NRG4: variants seen among roughly 807,000 people sequenced by gnomAD.
The protein encoded by NRG4 is neuregulin 4, also known as pro-neuregulin-4, membrane-bound isoform.
Under a neutral mutation model 15.0 loss-of-function variants are expected in NRG4, and 10 were observed. That is an observed-to-expected ratio of 0.67 (90% confidence interval 0.41 to 1.13). The LOEUF (loss-of-function observed/expected upper bound fraction) is 1.13. Ranked by LOEUF, NRG4 falls within the 50% of genes most tolerant of loss-of-function variation. The pLI is 0.00. For synonymous variants in NRG4, 41 were observed against 50.1 expected (o/e 0.82, Z 0.77); for missense variants, 139 against 140.2 (o/e 0.99, Z 0.04).
chr15:75,985,590 T>C (rs1200745430), intron 3 of NRG4, among the ~76,000 whole-genome samples: 1 of 152,182 alleles, frequency 6.6e-6, no homozygotes, highest in Non-Finnish European at 1.5e-5. Context: ...GACATCCTTA[T>C]CATTTAGGAA....
At position 75,961,972 on chromosome 15, in the gene NRG4, C is replaced by T. The variant is rs1264566553; in HGVS notation, c.107G>A (p.Cys36Tyr). 1 of 1,598,604 alleles carries T rather than the reference C, an allele frequency of 6.3e-7. No individual in the cohort carries two copies. The highest frequency in any genetic ancestry group is 8.5e-7 in the Non-Finnish European group (1 of 1,174,030). ...IPTIPSPFCR[C>Y]VENYTGARCE... is the part of the protein sequence containing the mutation. The stretch of plus-strand genomic sequence containing the variant: ...ACGAGCTCCTGTATAGTTTTCAACG[C>T]ACCTACAGAATAAAATTTTAGATAA... The change falls in exon 4 of 6, where the codon TGC (cysteine) becomes TAC (tyrosine). Residue 36 changes from cysteine (C) to tyrosine (Y), a missense_variant and splice_region_variant. Transcript: ENST00000394907.
At position 75,977,132 on chromosome 15, in the gene NRG4, G is replaced by A. The variant is rs548825447; in HGVS notation, c.105-15158C>T. Among the ~76,000 whole-genome samples, 10 of 152,258 alleles carry A rather than the reference G, an allele frequency of 6.6e-5. No individual in the cohort carries two copies. Among genetic ancestry groups the A allele is most frequent in the Admixed American group, 6.5e-4 (10 of 15,302 alleles). Reference sequence around the variant, plus strand: ...CCCAGCAGTTTTGTTTACACTATGAGGGGAAAACTGCCCACTCAAGCCTCC... The same window carrying A: ...CCCAGCAGTTTTGTTTACACTATGAAGGGAAAACTGCCCACTCAAGCCTCC... On this transcript the variant is annotated intron_variant, in intron 3 of 5. Transcript: ENST00000394907. The surrounding 1 kb of genome is among the most constrained non-coding windows in gnomAD (Gnocchi z 4.9).
intron 5 of NRG4, among the ~76,000 whole-genome samples, chr15:76,032,311 CAAAA>C (rs2035493269): frequency 1.3e-5 from 2 of 151,968 alleles, no homozygotes; most frequent in African/African-American, 4.8e-5. Context: ...AAAAGAATGG[CAAAA>C]TATTGTGTAC....
At chr15:76,036,763 G>A (rs1298299494) in intron 4 of NRG4, among the ~76,000 whole-genome samples, 1 of 152,154 alleles carries the variant, frequency 6.6e-6, no homozygotes, top group African/African-American at 2.4e-5. Context: ...CTTAAATAGT[G>A]TATGACCACC....
rs2031090976 is a variant in NRG4, at chr15:75,942,430, G to C, written c.*1208C>G. Reference sequence around the variant, plus strand: ...GATGTTAATAATAAAGGCCTGGGGTGGGGGGAAGCATAGGGGAACTCTATA... The same window carrying C: ...GATGTTAATAATAAAGGCCTGGGGTCGGGGGAAGCATAGGGGAACTCTATA... On this transcript the variant is annotated 3_prime_UTR_variant, in exon 6 of 6. Coordinates refer to ENST00000394907, the MANE Select transcript of NRG4 (RefSeq NM_138573.4). 6.6e-6 allele frequency: 1 copy of C among 152,112 alleles called. No individual in the cohort carries two copies. The highest frequency in any genetic ancestry group is 1.9e-4 in the East Asian group (1 of 5,200). 9.4% of individuals were successfully genotyped at this position (152,112 alleles called of 1,614,324 possible).
chr15:76,035,343 C>T (rs543529069), intron 5 of NRG4, among the ~76,000 whole-genome samples: 41 of 152,330 alleles, frequency 2.7e-4, no homozygotes, highest in African/African-American at 8.9e-4. Flanking sequence ...CTGAACTCAG[C>T]AGACTTCCCT....
intron 3 of NRG4, among the ~76,000 whole-genome samples, chr15:75,971,722 C>T (rs1368211113): frequency 1.3e-5 from 2 of 151,990 alleles, no homozygotes; most frequent in Non-Finnish European, 2.9e-5. Context: ...ACTTCTAGTG[C>T]TTTAAAGGTG....
chr15:76,009,250 C>T lies in NRG4; in HGVS notation c.54G>A (p.Leu18=), dbSNP rs776675887. ...GTATCACATAACAAAGCCCCCCATTCAGGCAAAACGACTTGTGACTGGGAC... is the reference window on the plus strand; with the variant it reads ...GTATCACATAACAAAGCCCCCCATTTAGGCAAAACGACTTGTGACTGGGAC... The part of the protein sequence containing the change: ...PCGPSHKSFC[L]NGGLCYVIPT... The change falls in exon 3 of 6, where the codon CTG becomes CTA. Residue 18 remains leucine, a synonymous_variant. Transcript: ENST00000394907. 4 of 1,605,474 alleles carry T rather than the reference C, an allele frequency of 2.5e-6. No homozygotes were observed. In the South Asian group the frequency reaches 4.4e-5, roughly 18 times the overall value.
intron 3 of NRG4, among the ~76,000 whole-genome samples, chr15:75,996,118 T>C (rs1247977062): frequency 6.6e-6 from 1 of 152,212 alleles, no homozygotes; most frequent in Non-Finnish European, 1.5e-5. Context: ...GTGTCAGTTA[T>C]ATATCATCAT....
intron 5 of NRG4, among the ~76,000 whole-genome samples, chr15:76,033,807 C>T (rs1169355431): frequency 6.6e-6 from 1 of 152,192 alleles, no homozygotes; most frequent in East Asian, 1.9e-4. Flanking sequence ...CTGTCTGACC[C>T]TTTTATCAGA....
At chr15:76,007,397 A>C (rs893250608) in intron 3 of NRG4, among the ~76,000 whole-genome samples, 3 of 152,052 alleles carry the variant, frequency 2.0e-5, no homozygotes, top group African/African-American at 7.2e-5. Context: ...CAAGACACAA[A>C]ATGTTAGTAT....
chr15:76,054,601 G>C lies in NRG4; in HGVS notation c.-261-1618C>G, dbSNP rs972922245. Among the ~76,000 whole-genome samples, 9 of 152,264 alleles carry C rather than the reference G, an allele frequency of 5.9e-5. No individual in the cohort carries two copies. The South Asian group carries it at 1.9e-3, about 32-fold the overall frequency. On this transcript the variant is annotated intron_variant, in intron 2 of 8. Coordinates refer to the NRG4 transcript ENST00000563910. ...AGATAATTTTTGTATTTTCAGTAGA[G>C]ACAGAGTTTCGCCATGTTGGCCAGG...
intron 3 of NRG4, among the ~76,000 whole-genome samples, chr15:76,007,678 C>G (rs1041835420): frequency 1.3e-5 from 2 of 152,174 alleles, no homozygotes; most frequent in Non-Finnish European, 2.9e-5. Flanking sequence ...ATCCGCCCAC[C>G]TTGGCCTCCC....
chr15:76,020,958 C>T (rs2035131817), intron 5 of NRG4, among the ~76,000 whole-genome samples: 1 of 152,228 alleles, frequency 6.6e-6, no homozygotes, highest in Non-Finnish European at 1.5e-5. Flanking sequence ...GATGGTTACA[C>T]TAAACAGATT....
intron 4 of NRG4, among the ~76,000 whole-genome samples, chr15:76,036,855 T>C (rs1430272051): frequency 6.6e-6 from 1 of 152,166 alleles, no homozygotes; most frequent in Non-Finnish European, 1.5e-5. Context: ...CTCACTACTG[T>C]TATTCGACAT....
At chr15:76,023,472 C>T (rs2035221559) in intron 5 of NRG4, among the ~76,000 whole-genome samples, 1 of 152,172 alleles carries the variant, frequency 6.6e-6, no homozygotes, top group Non-Finnish European at 1.5e-5. Context: ...GTCCTTACTA[C>T]AGGTGAATCC....
chr15:76,005,348 C>T (rs2034559021), intron 3 of NRG4, among the ~76,000 whole-genome samples: 1 of 145,870 alleles, frequency 6.9e-6, no homozygotes, highest in African/African-American at 2.5e-5. Flanking sequence ...AGCCACTGCA[C>T]TTCAGCCTGG....
intron 5 of NRG4, among the ~76,000 whole-genome samples, chr15:75,947,888 G>GT (rs2031631585): frequency 1.3e-5 from 2 of 152,114 alleles, no homozygotes; most frequent in African/African-American, 4.8e-5. Flanking sequence ...GTTTTGATCT[G>GT]CATTTCCCCA....
chr15:75,976,658 GGCT>G (rs1302099394), intron 3 of NRG4, among the ~76,000 whole-genome samples: 1 of 152,230 alleles, frequency 6.6e-6, no homozygotes. Context: ...CACCAGCGGA[GGCT>G]GCAGAACAGC....
Sources: gnomAD v4.1 joint callset for allele counts (sites outside exome capture counted in the v4.1 genomes callset) on GRCh38, gnomAD v4.1.1 for gene constraint, Gnocchi (gnomAD v3.1) non-coding constraint, MANE v1.5 for transcripts, NCBI Gene and HGNC (gene_info 2026-07-23, HGNC 2026-07-21) for gene names.